Variants in SCML2 observed in about 807,000 individuals in gnomAD.
The protein encoded by SCML2 is Scm polycomb group protein like 2.
A neutral mutation model predicts 48.4 loss-of-function variants in SCML2; 6 were observed. That is an observed-to-expected ratio of 0.12 (90% confidence interval 0.07 to 0.24). The LOEUF (loss-of-function observed/expected upper bound fraction) is 0.24, where lower values mean the gene tolerates loss of function less well. SCML2 is among the 10% of genes least tolerant of loss of function. The pLI, the probability that SCML2 is intolerant of heterozygous loss-of-function variation, is 1.00. For synonymous variants in SCML2, 181 were observed against 189.5 expected (o/e 0.95, Z 0.37); for missense variants, 377 against 528.2 (o/e 0.71, Z 2.81).
In SCML2 at chrX:18,288,445, G is replaced by GA. The variant is rs202000156; in HGVS notation, c.730+16526dup. ...ACAATAGGACTATTCTTTTTAAAAA[G>GA]AAAAAAAAACATTTTTATGGTAGAA... On this transcript the variant is annotated intron_variant, in intron 7 of 14. Coordinates refer to ENST00000251900, the MANE Select transcript of SCML2 (RefSeq NM_006089.3). Among the ~76,000 whole-genome samples, 859 of 107,762 alleles carry GA rather than the reference G, an allele frequency of 8.0e-3. 6 individuals carry two copies. Among genetic ancestry groups the GA allele is most frequent in the African/African-American group, 0.025 (747 of 29,815 alleles). The allele number at this position is 107,762 out of a possible 115,157, so 93.6% of individuals were successfully genotyped here.
In SCML2 at chrX:18,305,675, A is replaced by G. The variant is rs184306272; in HGVS notation, c.487-460T>C. Among the ~76,000 whole-genome samples, 3 of 110,816 alleles carry G rather than the reference A, an allele frequency of 2.7e-5. No individual in the cohort carries two copies. In the Admixed American group the frequency reaches 2.9e-4, roughly 11 times the overall value. The stretch of plus-strand genomic sequence containing the variant: ...TAAATTGGTGTGTCAAAAAGTGGTA[A>G]GTCCAAAGAAAAGAAACGACATCAG... On this transcript the variant is annotated intron_variant, in intron 6 of 14. Transcript: ENST00000251900.
At chrX:18,301,589 C>G (rs1294199557) in intron 7 of SCML2, among the ~76,000 whole-genome samples, 1 of 110,656 alleles carries the variant, frequency 9.0e-6, no homozygotes, top group African/African-American at 3.3e-5. Flanking sequence ...CCGGACAATA[C>G]AGTTAGACCC....
intron 7 of SCML2, among the ~76,000 whole-genome samples, chrX:18,294,139 A>AT (rs1017570165): frequency 8.9e-6 from 1 of 112,145 alleles, no homozygotes; most frequent in African/African-American, 3.2e-5. Flanking sequence ...AGTCCATGAG[A>AT]TTTTTTAAAG....
At chrX:18,266,554 T>A (rs1480580058) in intron 7 of SCML2, among the ~76,000 whole-genome samples, 1 of 112,070 alleles carries the variant, frequency 8.9e-6, no homozygotes, top group Non-Finnish European at 1.9e-5. Flanking sequence ...AATTCCTTGA[T>A]AATTTCATTA....
intron 2 of SCML2, 112 bp downstream of exon 2, chrX:18,333,938 C>T (rs970300577): frequency 8.1e-6 from 5 of 618,434 alleles, no homozygotes; most frequent in Non-Finnish European, 1.2e-5. Flanking sequence ...CACCTAGCAT[C>T]TCCTATAAAT....
In SCML2 at chrX:18,320,405, G is replaced by A; in HGVS notation, c.413C>T (p.Thr138Ile). 8.8e-7 allele frequency: 1 copy of A among 1,133,788 alleles called. No individual in the cohort carries two copies. Among genetic ancestry groups the A allele is most frequent in the Non-Finnish European group, 1.2e-6 (1 of 839,823 alleles). The allele number at this position is 1,133,788 out of a possible 1,213,427, so 93.4% of individuals were successfully genotyped here. ...TAAGAGGAACATCGGCCAGGAGGAT[G>A]TATTCATCTGGTACCCTGTTTTATA... ...LQPPLGYQMN[T>I]SSWPMFLLKT... The change falls in exon 6 of 15, where the codon ACA becomes ATA. Residue 138 changes from threonine (T) to isoleucine (I), a missense_variant. Thr to Ile is a moderately conservative substitution (Grantham distance 89). Around this residue, in one of 3 missense-constraint regions of SCML2, gnomAD observed 299 missense variants for 425.5 expected, o/e 0.70. Coordinates refer to ENST00000251900, the MANE Select transcript of SCML2 (RefSeq NM_006089.3).
At chrX:18,271,276 C>A (rs1451161500) in intron 7 of SCML2, among the ~76,000 whole-genome samples, 1 of 111,042 alleles carries the variant, frequency 9.0e-6, no homozygotes, top group Non-Finnish European at 1.9e-5. Context: ...GAAACATAGG[C>A]TCTGTGAGGT....
chrX:18,328,198 A>G (rs2147548152), intron 3 of SCML2, among the ~76,000 whole-genome samples: 1 of 111,558 alleles, frequency 9.0e-6, no homozygotes, highest in South Asian at 3.8e-4. Context: ...TCTTCTCTAG[A>G]GTAAATCAGA....
intron 1 of SCML2, among the ~76,000 whole-genome samples, chrX:18,353,176 C>A (rs1930429245): frequency 1.9e-5 from 2 of 107,052 alleles, no homozygotes; most frequent in African/African-American, 3.4e-5. Context: ...AAAGCACATT[C>A]GTAATTGGAA....
intron 7 of SCML2, among the ~76,000 whole-genome samples, chrX:18,271,977 G>A (rs1927479767): frequency 9.1e-6 from 1 of 110,353 alleles, no homozygotes; most frequent in Non-Finnish European, 1.9e-5. Flanking sequence ...AGAGCAAAGG[G>A]GAGGTAGGTC....
chrX:18,336,718 C>G (rs1275493181), intron 1 of SCML2, among the ~76,000 whole-genome samples: 1 of 106,885 alleles, frequency 9.4e-6, no homozygotes, highest in East Asian at 3.0e-4. Context: ...GCCTGGGCGA[C>G]AGAGCGAGAC....
chrX:18,248,456 A>G lies in SCML2; in HGVS notation c.1457-574T>C, dbSNP rs142535883. Among the ~76,000 whole-genome samples, 649 of 112,391 alleles carry G rather than the reference A, an allele frequency of 5.8e-3. 3 individuals carry two copies. Among genetic ancestry groups the G allele is most frequent in the African/African-American group, 0.019 (597 of 30,963 alleles). ...CAACAAATATCCTGATTTAACCTCC[A>G]ACTAAAAGGACAAATAAGGTGTAAG... On this transcript the variant is annotated intron_variant, in intron 11 of 14. Transcript: ENST00000251900.
intron 1 of SCML2, among the ~76,000 whole-genome samples, chrX:18,334,706 T>C (rs1929755570): frequency 8.9e-6 from 1 of 111,975 alleles, no homozygotes; most frequent in African/African-American, 3.2e-5. Flanking sequence ...CAAAGATAAA[T>C]AACAGGCTGT....
chrX:18,354,254 G>C (rs938607495), intron 1 of SCML2, among the ~76,000 whole-genome samples: 1 of 113,278 alleles, frequency 8.8e-6, no homozygotes, highest in East Asian at 2.8e-4. Flanking sequence ...CCCTACCCAC[G>C]GCAGGGAGGA....
chrX:18,262,796 T>C (rs1187359310), intron 8 of SCML2, among the ~76,000 whole-genome samples: 2 of 108,720 alleles, frequency 1.8e-5, no homozygotes, highest in African/African-American at 3.5e-5. Flanking sequence ...CACTGCAACC[T>C]CCACCTCCTA....
intron 3 of SCML2, among the ~76,000 whole-genome samples, chrX:18,328,850 T>C (rs780887314): frequency 5.1e-4 from 57 of 112,304 alleles, no homozygotes; most frequent in African/African-American, 1.8e-3. Flanking sequence ...CACTCACTGA[T>C]TTCTAAAATA....
chrX:18,298,947 G>A (rs1343826085), intron 7 of SCML2, among the ~76,000 whole-genome samples: 7 of 111,134 alleles, frequency 6.3e-5, no homozygotes, highest in Non-Finnish European at 9.4e-5. Flanking sequence ...GAAACTACTA[G>A]AAGGAAACAT....
In SCML2 at chrX:18,258,108, G is replaced by C; in HGVS notation, c.1209C>G (p.Ala403=). 8.3e-7 allele frequency: 1 copy of C among 1,211,347 alleles called. No individual in the cohort carries two copies. The highest frequency in any genetic ancestry group is 3.0e-5 in the East Asian group (1 of 33,812). The change falls in exon 10 of 15, where the codon GCC becomes GCG. Residue 403 remains alanine (A), a synonymous_variant. Transcript: ENST00000251900. ...RRIVQACVDC[A]LETKTVFGYL... ...ATCCAAAAACAGTTTTAGTTTCAAG[G>C]GCACAATCCACACAGGCCTGCACAA...
At chrX:18,299,775 T>C (rs1288116467) in intron 7 of SCML2, among the ~76,000 whole-genome samples, 1 of 109,055 alleles carries the variant, frequency 9.2e-6, no homozygotes, top group East Asian at 2.9e-4. Context: ...TCTCGCTTTG[T>C]TGCCCAGGCT....
Sources: allele counts gnomAD v4.1 joint callset (sites outside exome capture counted in the v4.1 genomes callset), GRCh38; gene constraint gnomAD v4.1.1; regional missense constraint gnomAD v4.1.1; transcripts MANE v1.5; gene names NCBI Gene and HGNC (gene_info 2026-07-23, HGNC 2026-07-21).